The following PTGR2 variants were observed in gnomAD, a reference collection of about 807,000 sequenced individuals.
PTGR2 encodes prostaglandin reductase 2.
Under a neutral mutation model 43.4 loss-of-function variants are expected in PTGR2, and 32 were observed. That is an observed-to-expected ratio of 0.74 (90% confidence interval 0.56 to 0.99). The LOEUF (loss-of-function observed/expected upper bound fraction) is 0.99. Ranked by LOEUF, PTGR2 falls within the 50% of genes least tolerant of loss-of-function variation. The probability of loss-of-function intolerance (pLI) is 0.00; values close to 1 mark genes in which losing one functional copy is unlikely to be tolerated. For missense variants in PTGR2, 373 were observed against 420.0 expected (o/e 0.89, Z 0.98); for synonymous variants, 106 against 139.2 (o/e 0.76, Z 1.68).
At chr14:73,866,694 A>G (rs2054602571) in intron 3 of PTGR2, among the ~76,000 whole-genome samples, 2 of 152,056 alleles carry the variant, frequency 1.3e-5, no homozygotes, top group South Asian at 4.2e-4. Context: ...GTGTTTCTAG[A>G]AGAGATTAGC....
intron 5 of PTGR2, 181 bp from the exon 6 acceptor site, chr14:73,878,915 T>C (rs1595370094): frequency 5.2e-6 from 3 of 571,940 alleles, no homozygotes; most frequent in Non-Finnish European, 6.1e-6. Context: ...AATTTTTTTT[T>C]AGGATGACAT....
rs1226896823 is a variant in PTGR2 at position 73,880,080 on chromosome 14, T to C, written c.755T>C (p.Leu252Pro). ...SQMNENSHII[L>P]CGQISQYNKD... is the part of the protein sequence containing the mutation. The stretch of plus-strand genomic sequence containing the variant: ...ATGAATGAGAACAGCCACATCATCC[T>C]GTGTGGTCAAATTTCTCAGTACAAC... Residue 252 changes from leucine (L) to proline (P), a missense_variant, in exon 7 of 10, where the codon CTG (leucine) becomes CCG (proline). Transcript: ENST00000555661. The C allele has an allele frequency of 1.9e-6, 3 of 1,613,532 alleles. No homozygotes were observed. The highest frequency in any genetic ancestry group is 1.7e-5 in the Admixed American group (1 of 59,998).
intron 5 of PTGR2, chr14:73,878,756 A>G: frequency 2.8e-6 from 1 of 355,148 alleles, no homozygotes; most frequent in Non-Finnish European, 5.3e-6. Flanking sequence ...AGCATGTTTT[A>G]GGTAGGCTAG....
chr14:73,854,911 A>C (rs566326400), intron 1 of PTGR2, among the ~76,000 whole-genome samples: 50 of 152,362 alleles, frequency 3.3e-4, no homozygotes, highest in African/African-American at 1.2e-3. Context: ...TCTAGATGTA[A>C]CTAGCAGTCA....
chr14:73,870,657 T>G (rs1269742735), intron 3 of PTGR2, among the ~76,000 whole-genome samples: 2 of 152,156 alleles, frequency 1.3e-5, no homozygotes, highest in African/African-American at 4.8e-5. Context: ...TTTTAAAATT[T>G]TTATTTTCAT....
chr14:73,853,028 C>T (rs55728577), intron 1 of PTGR2, among the ~76,000 whole-genome samples: 46,229 of 151,694 alleles, frequency 0.3, 8,941 homozygotes, highest in Non-Finnish European at 0.42. Flanking sequence ...CCCATGTTGG[C>T]CAGACTGGTC....
rs762288322 is a variant in PTGR2 at position 73,882,422 on chromosome 14, G to GT, written c.965dup (p.Leu322PhefsTer16). ...AGATTAAAGAGACGGTAATAAATGG[G>GT]TTGGAAAACATGGGAGGTAAGATGA... On this transcript the variant is annotated frameshift_variant, in exon 9 of 10. Transcript: ENST00000555661. The GT allele has an allele frequency of 3.8e-6, 6 of 1,575,972 alleles. No homozygotes were observed. In the South Asian group the frequency reaches 6.7e-5, roughly 17 times the overall value.
chr14:73,867,632 C>T (rs2054633678), intron 3 of PTGR2, among the ~76,000 whole-genome samples: 1 of 152,124 alleles, frequency 6.6e-6, no homozygotes, highest in Non-Finnish European at 1.5e-5. Flanking sequence ...ACCTCTTTTT[C>T]CTCCAGGGAA....
chr14:73,880,309 A>C, intron 7 of PTGR2, 133 bp downstream of exon 7: 1 of 1,052,612 alleles, frequency 9.5e-7, no homozygotes, highest in Non-Finnish European at 1.4e-6. Flanking sequence ...ATAGTGGCTT[A>C]TGCCTGTAAT....
intron 7 of PTGR2, 52 bp downstream of exon 7, chr14:73,880,228 C>T: frequency 1.3e-6 from 2 of 1,590,774 alleles, no homozygotes; most frequent in Non-Finnish European, 1.7e-6. Flanking sequence ...TTTTAAATAT[C>T]ATAGATGTGT....
chr14:73,880,389 A>G, intron 7 of PTGR2: 1 of 466,648 alleles, frequency 2.1e-6, no homozygotes, highest in Non-Finnish European at 3.9e-6. Flanking sequence ...CCTGGCCAAC[A>G]TGGTGAAACC....
chr14:73,879,271 T>TTGG lies in PTGR2; in HGVS notation c.700_702dup (p.Gly234dup), dbSNP rs1181228814. 1.2e-6 allele frequency: 2 copies of TTGG among 1,614,146 alleles called. No homozygotes were observed. Among genetic ancestry groups the TTGG allele is most frequent in the East Asian group, 4.5e-5 (2 of 44,878 alleles). ...GGAGTGGATGTTTATTTTGACAATG[T>TTGG]TGGTGGTAACATCAGTGATACAGTG... On this transcript the variant is annotated inframe_insertion, in exon 6 of 10. Transcript: ENST00000555661.
chr14:73,874,614 G>T (rs1193857579), intron 4 of PTGR2: 1 of 456,022 alleles, frequency 2.2e-6, no homozygotes, highest in Non-Finnish European at 4.4e-6. Context: ...GCCCCGGCTG[G>T]TCTCAAACTC....
chr14:73,860,445 T>C, intron 2 of PTGR2, 94 bp from the exon 3 acceptor site: 1 of 600,154 alleles, frequency 1.7e-6, no homozygotes, highest in South Asian at 2.3e-5. Flanking sequence ...CCAGCCTGGG[T>C]GATAGAGCAA....
At chr14:73,877,827 C>T (rs986016627) in intron 5 of PTGR2, 1 of 152,162 alleles carries the variant, frequency 6.6e-6, no homozygotes, top group Admixed American at 6.6e-5. Context: ...TAAGAAACCA[C>T]TTATTGAATT....
intron 3 of PTGR2, among the ~76,000 whole-genome samples, chr14:73,862,022 C>T (rs1454070646): frequency 6.6e-6 from 1 of 151,360 alleles, no homozygotes; most frequent in Non-Finnish European, 1.5e-5. Flanking sequence ...GGATTGCAGT[C>T]GTACACCACC....
At chr14:73,882,295 A>C (rs2140278406) in intron 8 of PTGR2, 104 bp from the exon 9 acceptor site, 1 of 701,964 alleles carries the variant, frequency 1.4e-6, no homozygotes, top group East Asian at 2.7e-5. Context: ...ATCTATTTTT[A>C]GACAAAGTGC....
intron 9 of PTGR2, among the ~76,000 whole-genome samples, chr14:73,883,041 G>T (rs953680156): frequency 2.0e-5 from 3 of 146,424 alleles, no homozygotes; most frequent in Admixed American, 2.0e-4. Context: ...GGCTGGTCTT[G>T]AACTCCTGAA....
chr14:73,884,069 C>CT (rs762931596), intron 9 of PTGR2, 32 bp from the exon 10 acceptor site: 3 of 1,377,962 alleles, frequency 2.2e-6, no homozygotes, highest in Non-Finnish European at 2.1e-6. Flanking sequence ...TGACATTTAT[C>CT]TTTTCAGATA....
Sources: gnomAD v4.1 joint callset for allele counts (sites outside exome capture counted in the v4.1 genomes callset) on GRCh38, gnomAD v4.1.1 for gene constraint, MANE v1.5 for transcripts, NCBI Gene and HGNC (gene_info 2026-07-23, HGNC 2026-07-21) for gene names.